The following DAB1 variants were observed in gnomAD, a reference collection of about 807,000 sequenced individuals.
The protein encoded by DAB1 is DAB adaptor protein 1, also known as disabled homolog 1.
In DAB1, 15 loss-of-function variants were observed where a neutral mutation model predicts 64.6. The ratio of observed to expected loss-of-function variants is 0.23; its 90% CI spans 0.16 to 0.36. The LOEUF (loss-of-function observed/expected upper bound fraction) is 0.36, where lower values mean the gene tolerates loss of function less well. Among genes scored for constraint, DAB1 ranks in the 10% least tolerant of loss-of-function variants. The pLI, the probability that DAB1 is intolerant of heterozygous loss-of-function variation, is 1.00. For missense variants in DAB1, 596 were observed against 706.7 expected (o/e 0.84, Z 1.78); for synonymous variants, 235 against 251.9 (o/e 0.93, Z 0.64).
At chr1:57,736,188 A>C (rs1647684418) in intron 6 of DAB1, among the ~76,000 whole-genome samples, 1 of 152,128 alleles carries the variant, frequency 6.6e-6, no homozygotes, top group Non-Finnish European at 1.5e-5. Context: ...CATAGAACTG[A>C]TATATTTTTC....
rs148425825 is a variant in DAB1, at chr1:57,263,142, G to A, written c.67+27822C>T. On this transcript the variant is annotated intron_variant, in intron 2 of 14. Transcript: ENST00000371236. The stretch of plus-strand genomic sequence containing the variant: ...AAAATTTTTTTTTTTTTGAGACGGA[G>A]TCTCGCTCTGTTGCCCAGGCTGGAG... Among the ~76,000 whole-genome samples the A allele has an allele frequency of 1.4e-3, 204 of 151,106 alleles. 5 individuals are homozygous for A. The East Asian group carries it at 0.029, about 21-fold the overall frequency.
intron 7 of DAB1, among the ~76,000 whole-genome samples, chr1:57,510,934 G>A (rs181372676): frequency 3.3e-5 from 5 of 152,148 alleles, no homozygotes; most frequent in African/African-American, 4.8e-5. Flanking sequence ...ATGAGCCACC[G>A]CTCCTAGCTC....
At position 57,398,707 on chromosome 1, in the gene DAB1, T is replaced by C. The variant is rs746942417; in HGVS notation, c.-137+25223A>G. 5.5e-4 allele frequency among the ~76,000 whole-genome samples: 83 copies of C among 152,238 alleles called. 2 individuals carry two copies. Among genetic ancestry groups the C allele is most frequent in the South Asian group, 2.3e-3 (11 of 4,836 alleles). ...TTTACAAGTCAGGGGCAAACTCTTC[T>C]ATCCTGCATTTCATAACTCCCCAAA... On this transcript the variant is annotated intron_variant, in intron 1 of 14. Transcript: ENST00000371236.
chr1:58,530,198 TA>T (rs1046971291), intron 1 of DAB1, among the ~76,000 whole-genome samples: 50 of 152,328 alleles, frequency 3.3e-4, no homozygotes, highest in African/African-American at 9.1e-4. Flanking sequence ...TGCCATTTTT[TA>T]TCAAGGACTT....
At chr1:58,354,730 C>T (rs952791495) in intron 3 of DAB1, among the ~76,000 whole-genome samples, 3 of 152,140 alleles carry the variant, frequency 2.0e-5, no homozygotes, top group Admixed American at 1.3e-4. Flanking sequence ...GAAGATTGTG[C>T]TAGAGTCCAT....
intron 3 of DAB1, among the ~76,000 whole-genome samples, chr1:58,349,822 G>A (rs758962235): frequency 6.6e-5 from 10 of 152,116 alleles, no homozygotes; most frequent in Non-Finnish European, 1.5e-4. Context: ...ATTCCATGGT[G>A]TATATGTGCC....
intron 5 of DAB1, among the ~76,000 whole-genome samples, chr1:58,135,421 C>T (rs11801568): frequency 0.2 from 29,749 of 151,952 alleles, 3,102 homozygotes; most frequent in East Asian, 0.36. Flanking sequence ...TACCAGGTAC[C>T]GAGTACCTGG....
At chr1:57,231,938 T>C (rs1667708464) in intron 2 of DAB1, among the ~76,000 whole-genome samples, 1 of 152,182 alleles carries the variant, frequency 6.6e-6, no homozygotes, top group South Asian at 2.1e-4. Flanking sequence ...ATCTTTTTGC[T>C]GCTTCCCCTG....
chr1:57,121,288 C>G (rs963146662), intron 4 of DAB1, among the ~76,000 whole-genome samples: 2 of 151,872 alleles, frequency 1.3e-5, no homozygotes, highest in Non-Finnish European at 2.9e-5. Flanking sequence ...TATTTGCTAT[C>G]CAATGGCTTT....
intron 5 of DAB1, among the ~76,000 whole-genome samples, chr1:58,099,724 T>C (rs984767342): frequency 2.0e-5 from 3 of 152,174 alleles, no homozygotes; most frequent in African/African-American, 7.2e-5. Context: ...CTCCTAATAA[T>C]GCCAATTGAG....
intron 7 of DAB1, among the ~76,000 whole-genome samples, chr1:57,633,141 A>G (rs1195478596): frequency 6.6e-6 from 1 of 152,202 alleles, no homozygotes; most frequent in Non-Finnish European, 1.5e-5. Flanking sequence ...GCTCTCTGTC[A>G]CTTTAGTTGT....
chr1:57,300,705 A>G (rs1364039137), intron 1 of DAB1, among the ~76,000 whole-genome samples: 1 of 152,190 alleles, frequency 6.6e-6, no homozygotes, highest in South Asian at 2.1e-4. Context: ...GTACAACCCA[A>G]GGAGGCCCGA....
chr1:57,761,708 G>A (rs749317446), intron 6 of DAB1, among the ~76,000 whole-genome samples: 1 of 152,194 alleles, frequency 6.6e-6, no homozygotes, highest in Non-Finnish European at 1.5e-5. Flanking sequence ...TCTACACAAC[G>A]GACCAGAGTC....
intron 5 of DAB1, among the ~76,000 whole-genome samples, chr1:57,918,742 T>C (rs1644768177): frequency 6.6e-6 from 1 of 151,882 alleles, no homozygotes; most frequent in Non-Finnish European, 1.5e-5. Context: ...GAGAATGGTG[T>C]GAACCCAGGA....
At chr1:58,056,234 C>T in intron 5 of DAB1, 12 of 1,474,114 alleles carry the variant, frequency 8.1e-6, no homozygotes, top group Non-Finnish European at 1.1e-5. Context: ...TTCCTGACTA[C>T]TTTGCTGTGA....
chr1:57,305,074 A>G (rs576812842), intron 1 of DAB1, among the ~76,000 whole-genome samples: 1 of 152,356 alleles, frequency 6.6e-6, no homozygotes, highest in African/African-American at 2.4e-5. Context: ...CTGATGACAC[A>G]TTCACATTAA....
intron 14 of DAB1, among the ~76,000 whole-genome samples, chr1:57,004,655 T>A (rs1375315497): frequency 3.3e-5 from 5 of 152,206 alleles, no homozygotes; most frequent in Non-Finnish European, 5.9e-5. Context: ...AACTTAGGAC[T>A]AGCTCAGTGG....
chr1:57,225,670 G>T (rs1046175189), intron 2 of DAB1, among the ~76,000 whole-genome samples: 2 of 152,120 alleles, frequency 1.3e-5, no homozygotes, highest in African/African-American at 4.8e-5. Context: ...ATGTATTACT[G>T]TACAGACAGA....
chr1:57,375,755 T>C (rs1304477012), intron 1 of DAB1, among the ~76,000 whole-genome samples: 1 of 152,224 alleles, frequency 6.6e-6, no homozygotes, highest in African/African-American at 2.4e-5. Flanking sequence ...TGTCTGTGTG[T>C]GTCTATTTGG....
Sources: gnomAD v4.1 joint callset for allele counts (sites outside exome capture counted in the v4.1 genomes callset) on GRCh38, gnomAD v4.1.1 for gene constraint, MANE v1.5 for transcripts, NCBI Gene and HGNC (gene_info 2026-07-23, HGNC 2026-07-21) for gene names.